RNF157: variants seen among roughly 807,000 people sequenced by gnomAD.
The protein encoded by RNF157 is ring finger protein 157.
A neutral mutation model predicts 88.3 loss-of-function variants in RNF157; 55 were observed. The ratio of observed to expected loss-of-function variants is 0.62; its 90% confidence interval spans 0.50 to 0.78. RNF157 has a LOEUF of 0.78. Among genes scored for constraint, RNF157 ranks in the 30% least tolerant of loss-of-function variants. The probability of loss-of-function intolerance (pLI) is 0.00; values close to 1 mark genes in which losing one functional copy is unlikely to be tolerated. For missense variants in RNF157, 788 were observed against 860.8 expected (o/e 0.92, Z 1.06); for synonymous variants, 334 against 341.2 (o/e 0.98, Z 0.23).
chr17:76,193,229 T>C (rs543146726), intron 2 of RNF157, among the ~76,000 whole-genome samples: 3 of 152,326 alleles, frequency 2.0e-5, no homozygotes, highest in Admixed American at 6.5e-5. Flanking sequence ...ATAGGGTCAT[T>C]AAGATCAAAT....
At chr17:76,193,261 C>A (rs2069416526) in intron 2 of RNF157, among the ~76,000 whole-genome samples, 1 of 152,184 alleles carries the variant, frequency 6.6e-6, no homozygotes, top group African/African-American at 2.4e-5. Context: ...GAAAACCATA[C>A]AGTGCTATAA....
At chr17:76,164,920 A>G in intron 7 of RNF157, 125 bp from the exon 8 acceptor site, 1 of 615,890 alleles carries the variant, frequency 1.6e-6, no homozygotes, top group Non-Finnish European at 2.9e-6. Context: ...CATGGTTTCA[A>G]TTACCCGCCA....
At position 76,230,272 on chromosome 17, in the gene RNF157, G is replaced by A. The variant is rs78434886; in HGVS notation, c.88+9881C>T. 6.3e-3 allele frequency among the ~76,000 whole-genome samples: 960 copies of A among 152,304 alleles called. 7 individuals are homozygous for A. Among genetic ancestry groups the A allele is most frequent in the African/African-American group, 0.021 (888 of 41,570 alleles). On this transcript the variant is annotated intron_variant, in intron 1 of 18. Coordinates refer to ENST00000269391, the MANE Select transcript of RNF157 (RefSeq NM_052916.3). ...TAATTTCCCCGGATCTTGAGGCAAA[G>A]TAAAGCAACCAGCCGACATTTAGGA...
In RNF157 at chr17:76,210,588, C is replaced by CAA. The variant is rs71161274; in HGVS notation, c.207+1774_207+1775dup. ...CTGGGCGACAGAGCCAGACTCCGTC[C>CAA]AAAAAAAAAAAAAAAAGAAAGAAAG... On this transcript the variant is annotated intron_variant, in intron 2 of 18. Transcript: ENST00000269391. Among the ~76,000 whole-genome samples, 34 of 53,534 alleles carry CAA rather than the reference C, an allele frequency of 6.4e-4. 1 individual carries two copies. Among genetic ancestry groups the CAA allele is most frequent in the African/African-American group, 2.5e-3 (32 of 12,832 alleles). 35.1% of individuals were successfully genotyped at this position (53,534 alleles called of 152,430 possible). A position where few individuals can be genotyped will look rare whatever the true frequency, so the allele number is the denominator to read the frequency against.
rs1414095583 is a variant in RNF157 at position 76,173,791 on chromosome 17, CTG to C, written c.208-3_208-2del. ...GGGGAGGTGGGGCGGCGTAAGGAAA[CTG>C]TGTCAGAAACAAAGCAGGAGAAGGT... On this transcript the variant is annotated splice_acceptor_variant and splice_polypyrimidine_tract_variant and intron_variant, in intron 2 of 18. Transcript: ENST00000269391. LOFTEE classifies it high-confidence loss of function. The C allele has an allele frequency of 1.2e-6, 2 of 1,606,760 alleles. No individual in the cohort carries two copies.
intron 1 of RNF157, among the ~76,000 whole-genome samples, chr17:76,213,281 A>G (rs1907730186): frequency 6.6e-6 from 1 of 152,056 alleles, no homozygotes; most frequent in Admixed American, 6.6e-5. Context: ...AAATCCTTGG[A>G]ATATCCAGGC....
chr17:76,183,982 G>C (rs2069240025), intron 2 of RNF157, among the ~76,000 whole-genome samples: 1 of 152,064 alleles, frequency 6.6e-6, no homozygotes, highest in South Asian at 2.1e-4. Flanking sequence ...TTGAGGCCAG[G>C]AGTTTGAGAC....
At chr17:76,191,463 C>T (rs1347957689) in intron 2 of RNF157, among the ~76,000 whole-genome samples, 2 of 151,732 alleles carry the variant, frequency 1.3e-5, no homozygotes, top group South Asian at 2.1e-4. Context: ...ATTAGCTGGG[C>T]GTGGTGGCAG....
intron 2 of RNF157, among the ~76,000 whole-genome samples, chr17:76,191,557 C>T (rs554594639): frequency 8.2e-4 from 120 of 146,230 alleles, no homozygotes; most frequent in African/African-American, 3.0e-3. Flanking sequence ...GCTGAGATCA[C>T]GCCACTGCAC....
At chr17:76,154,363 GC>G (rs1313267577) in intron 16 of RNF157, 35 bp from the exon 17 acceptor site, 1 of 1,470,522 alleles carries the variant, frequency 6.8e-7, no homozygotes, top group Non-Finnish European at 9.5e-7. Flanking sequence ...AGTCTATGAA[GC>G]GGCAAAATGA....
rs111434625 is a variant in RNF157 at position 76,178,309 on chromosome 17, G to A, written c.208-4519C>T. Among the ~76,000 whole-genome samples, 15 of 152,326 alleles carry A rather than the reference G, an allele frequency of 9.8e-5. 1 individual carries two copies. Among genetic ancestry groups the A allele is most frequent in the African/African-American group, 3.4e-4 (14 of 41,584 alleles). On this transcript the variant is annotated intron_variant, in intron 2 of 18. Transcript: ENST00000269391. The stretch of plus-strand genomic sequence containing the variant: ...GCCACCACATTCCCTGGTGCCAACC[G>A]GGAGAGCTGCTTGCAGTGCACCTGG...
chr17:76,155,854 G>A (rs188463051), intron 14 of RNF157, 120 bp from the exon 15 acceptor site: 5 of 882,388 alleles, frequency 5.7e-6, no homozygotes, highest in African/African-American at 1.7e-5. Flanking sequence ...GCCGTATCTT[G>A]CCCTCCCCTA....
intron 3 of RNF157, among the ~76,000 whole-genome samples, chr17:76,172,912 A>T (rs931363265): frequency 6.6e-6 from 1 of 152,146 alleles, no homozygotes; most frequent in African/African-American, 2.4e-5. Flanking sequence ...GACGATAATT[A>T]ACATTGATGA....
At chr17:76,198,206 C>T (rs2069509260) in intron 2 of RNF157, among the ~76,000 whole-genome samples, 1 of 152,118 alleles carries the variant, frequency 6.6e-6, no homozygotes, top group Non-Finnish European at 1.5e-5. Context: ...ACTAGCAGGA[C>T]CTGGAGGATG....
chr17:76,214,828 C>T (rs1411531714), intron 1 of RNF157, among the ~76,000 whole-genome samples: 4 of 152,118 alleles, frequency 2.6e-5, no homozygotes, highest in African/African-American at 9.7e-5. Context: ...CCGGACAAAC[C>T]AAGGAACTGT....
intron 3 of RNF157, among the ~76,000 whole-genome samples, chr17:76,171,101 C>A: frequency 6.6e-6 from 1 of 152,110 alleles, no homozygotes; most frequent in Non-Finnish European, 1.5e-5. Flanking sequence ...ACTGTGTTAG[C>A]CAGGATGGTC....
intron 2 of RNF157, 21 bp downstream of exon 2, chr17:76,212,343 G>T (rs9911122): frequency 6.6e-7 from 1 of 1,511,268 alleles, no homozygotes; most frequent in Non-Finnish European, 9.2e-7. Flanking sequence ...CCAAGTAGGA[G>T]TAAACTGATT....
intron 2 of RNF157, among the ~76,000 whole-genome samples, chr17:76,174,093 G>T (rs1369595590): frequency 6.6e-6 from 1 of 151,892 alleles, no homozygotes; most frequent in Non-Finnish European, 1.5e-5. Flanking sequence ...AAAAACCGCT[G>T]AAGTTCCAAA....
chr17:76,178,914 G>C (rs1195510731), intron 2 of RNF157, among the ~76,000 whole-genome samples: 2 of 152,048 alleles, frequency 1.3e-5, no homozygotes, highest in African/African-American at 4.8e-5. Flanking sequence ...AAGACGCTCT[G>C]GATGCAGCTT....
Sources: gnomAD v4.1 joint callset for allele counts (sites outside exome capture counted in the v4.1 genomes callset) on GRCh38, gnomAD v4.1.1 for gene constraint, MANE v1.5 for transcripts, NCBI Gene and HGNC (gene_info 2026-07-23, HGNC 2026-07-21) for gene names.